The following FAAH2 variants were observed in gnomAD, a reference collection of about 807,000 sequenced individuals.
The protein encoded by FAAH2 is fatty-acid amide hydrolase 2.
FAAH2 carries 60 observed loss-of-function variants against 36.9 expected under a neutral mutation model. The ratio of observed to expected loss-of-function variants is 1.63; its 90% confidence interval spans 1.32 to 2.02. The LOEUF is 2.02. FAAH2 is among the 30% of genes most tolerant of loss of function. The pLI is 0.00. For synonymous variants in FAAH2, 214 were observed against 143.8 expected, an observed-to-expected ratio of 1.49 and a Z score of -3.49; for missense variants, 689 against 397.5, an observed-to-expected ratio of 1.73 and a Z score of -6.23.
At chrX:57,365,940 C>G (rs182158117) in intron 5 of FAAH2, among the ~76,000 whole-genome samples, 1 of 111,902 alleles carries the variant, frequency 8.9e-6, no homozygotes, top group African/African-American at 3.2e-5. Flanking sequence ...TCTTTCAACT[C>G]TTGAACTATT....
chrX:57,376,250 T>A (rs1602451876), intron 5 of FAAH2, among the ~76,000 whole-genome samples: 1 of 111,546 alleles, frequency 9.0e-6, no homozygotes, highest in South Asian at 3.8e-4. Flanking sequence ...TTATTAATCT[T>A]CTCCACAAAT....
intron 8 of FAAH2, among the ~76,000 whole-genome samples, chrX:57,443,306 A>G (rs375240877): frequency 1.7e-4 from 19 of 110,986 alleles, no homozygotes; most frequent in Admixed American, 1.3e-3. Flanking sequence ...GGCTTTGTTC[A>G]TTTTTTACTC....
intron 7 of FAAH2, among the ~76,000 whole-genome samples, chrX:57,390,877 T>C (rs2055150531): frequency 9.0e-6 from 1 of 111,580 alleles, no homozygotes; most frequent in South Asian, 3.7e-4. Flanking sequence ...GGTAGCTTTA[T>C]TTTGGTTCTT....
chrX:57,202,801 G>A, the FAAH2 span, among the ~76,000 whole-genome samples: 16 of 111,731 alleles, frequency 1.4e-4, no homozygotes, highest in Non-Finnish European at 2.6e-4. Context: ...AATTCTGGAA[G>A]TCTGCCTCGT....
rs148029837 is a variant in FAAH2, at chrX:57,417,227, T to C, written c.997-14691T>C. On this transcript the variant is annotated intron_variant, in intron 7 of 10. Transcript: ENST00000374900. ...AACCACCTTCTGAAGCCTTCTTCCA[T>C]CAATTCATCAAACTCTTTCTCTGTC... is the stretch of plus-strand genomic sequence containing the variant. 1.5e-3 allele frequency among the ~76,000 whole-genome samples: 173 copies of C among 112,208 alleles called. 5 individuals carry two copies. In the East Asian group the frequency reaches 0.046, roughly 30 times the overall value.
intron 7 of FAAH2, among the ~76,000 whole-genome samples, chrX:57,413,171 G>A (rs2055747179): frequency 8.9e-6 from 1 of 111,864 alleles, no homozygotes; most frequent in Admixed American, 9.5e-5. Flanking sequence ...TATTCTGTAG[G>A]TTGCCTGTTC....
the FAAH2 span, chrX:57,229,203 C>T: frequency 8.9e-6 from 1 of 112,206 alleles, no homozygotes; most frequent in African/African-American, 3.2e-5. Context: ...CTTGGACTAT[C>T]GCTCATCTAA....
intron 8 of FAAH2, among the ~76,000 whole-genome samples, chrX:57,440,319 C>T (rs1219225948): frequency 9.0e-6 from 1 of 111,363 alleles, no homozygotes. Flanking sequence ...TCCTTCACAT[C>T]CCCTGTAGGC....
the FAAH2 span, among the ~76,000 whole-genome samples, chrX:57,267,125 G>A: frequency 8.0e-5 from 9 of 112,519 alleles, no homozygotes; most frequent in East Asian, 2.3e-3. Context: ...CCAGCAAGGT[G>A]GCCCCTACAG....
chrX:57,315,781 TA>T (rs2052821268), intron 3 of FAAH2, among the ~76,000 whole-genome samples: 1 of 111,462 alleles, frequency 9.0e-6, no homozygotes, highest in Non-Finnish European at 1.9e-5. Flanking sequence ...GAGTCATCTA[TA>T]CCAAACACAC....
In FAAH2 at chrX:57,292,591, C is replaced by T. The variant is rs373301234; in HGVS notation, c.275+11C>T. On this transcript the variant is annotated intron_variant, in intron 2 of 10. Coordinates refer to ENST00000374900, the MANE Select transcript of FAAH2 (RefSeq NM_174912.4). ...AATTGTCAAGTACAGGTGAGCATTT[C>T]CACTCTCTCAAGGAGTCATTTATGG... is the stretch of plus-strand genomic sequence containing the variant. The T allele has an allele frequency of 6.7e-6, 8 of 1,193,601 alleles. No homozygotes were observed. The highest frequency in any genetic ancestry group is 3.6e-5 in the South Asian group (2 of 55,379).
chrX:57,196,218 C>A, the FAAH2 span, among the ~76,000 whole-genome samples: 3 of 111,755 alleles, frequency 2.7e-5, no homozygotes, highest in African/African-American at 9.7e-5. Context: ...AATATTGATT[C>A]TACCCATCCA....
chrX:57,261,853 C>T, the FAAH2 span, among the ~76,000 whole-genome samples: 1 of 110,764 alleles, frequency 9.0e-6, no homozygotes, highest in East Asian at 2.8e-4. Flanking sequence ...TGAGAAATAA[C>T]AAAGGCTTAA....
intron 2 of FAAH2, among the ~76,000 whole-genome samples, chrX:57,294,832 CT>C (rs1480338371): frequency 9.0e-6 from 1 of 111,480 alleles, no homozygotes. Context: ...GCACATTGTG[CT>C]CATGTCACTT....
chrX:57,162,534 G>A, the FAAH2 span, among the ~76,000 whole-genome samples: 40 of 111,394 alleles, frequency 3.6e-4, no homozygotes, highest in East Asian at 3.9e-3. Context: ...ACATAGTCCC[G>A]TATTTCTTGG....
the FAAH2 span, among the ~76,000 whole-genome samples, chrX:57,237,237 C>T: frequency 3.6e-5 from 4 of 111,155 alleles, no homozygotes; most frequent in Admixed American, 1.9e-4. Context: ...ATACAAGTAC[C>T]ATGCCGTTTT....
At chrX:57,271,698 C>T in the FAAH2 span, among the ~76,000 whole-genome samples, 1 of 111,443 alleles carries the variant, frequency 9.0e-6, no homozygotes, top group African/African-American at 3.3e-5. Flanking sequence ...GGAAAATAAA[C>T]AAACAGAAAG....
chrX:57,137,242 C>G, the FAAH2 span: 13 of 759,526 alleles, frequency 1.7e-5, no homozygotes, highest in South Asian at 3.9e-4. Flanking sequence ...GCGGGCCTCA[C>G]GTGCCGAAAT....
the FAAH2 span, among the ~76,000 whole-genome samples, chrX:57,219,177 C>A: frequency 8.9e-6 from 1 of 111,931 alleles, no homozygotes; most frequent in African/African-American, 3.3e-5. Context: ...GACTGTAAAA[C>A]ATTTGTCCCA....
Sources: gnomAD v4.1 joint callset for allele counts (sites outside exome capture counted in the v4.1 genomes callset) on GRCh38, gnomAD v4.1.1 for gene constraint, MANE v1.5 for transcripts, NCBI Gene and HGNC (gene_info 2026-07-23, HGNC 2026-07-21) for gene names.